RAB3C: variants seen among roughly 807,000 people sequenced by gnomAD.
RAB3C encodes the protein RAB3C, member RAS oncogene family, also known as ras-related protein Rab-3C.
RAB3C carries 17 observed loss-of-function variants against 26.4 expected under a neutral mutation model. That is an observed-to-expected ratio of 0.64 (90% confidence interval 0.44 to 0.97). The LOEUF (loss-of-function observed/expected upper bound fraction) is 0.97, where lower values mean the gene tolerates loss of function less well. RAB3C is among the 50% of genes least tolerant of loss of function. RAB3C has a pLI of 0.00. For synonymous variants in RAB3C, 91 were observed against 95.9 expected (o/e 0.95, Z 0.30); for missense variants, 242 against 281.9 (o/e 0.86, Z 1.01).
intron 1 of RAB3C, among the ~76,000 whole-genome samples, chr5:58,612,521 TATATATA>T: frequency 7.0e-5 from 1 of 14,280 alleles, no homozygotes; most frequent in African/African-American, 2.1e-4. Context: ...TGTGTGTGTG[TATATATA>T]TATATATATA....
Position 58,657,463 on chromosome 5 carries a change from T to C in RAB3C, c.252+39593T>C, listed in dbSNP as rs183183346. On this transcript the variant is annotated intron_variant, in intron 2 of 4. Transcript: ENST00000282878. ...CATTTGAGAGAGATCTGAATGACGATGTGTGCATCATGTGAAGATTGGAAG... is the reference window on the plus strand; with the variant it reads ...CATTTGAGAGAGATCTGAATGACGACGTGTGCATCATGTGAAGATTGGAAG... Among the ~76,000 whole-genome samples the C allele has an allele frequency of 1.4e-3, 210 of 151,860 alleles. 1 individual carries two copies. Among genetic ancestry groups the C allele is most frequent in the African/African-American group, 4.8e-3 (197 of 41,408 alleles).
chr5:58,808,224 C>CAAAAAAAA (rs773339041), intron 3 of RAB3C, among the ~76,000 whole-genome samples: 4 of 63,646 alleles, frequency 6.3e-5, no homozygotes, highest in Admixed American at 1.9e-4. Flanking sequence ...GACTCCGTCT[C>CAAAAAAAA]AAAAAAAAAA....
intron 3 of RAB3C, among the ~76,000 whole-genome samples, chr5:58,811,383 G>A (rs1278446949): frequency 2.0e-5 from 3 of 152,050 alleles, no homozygotes; most frequent in Non-Finnish European, 4.4e-5. Flanking sequence ...GTGTGTCTGT[G>A]TGTGTAAGAT....
chr5:58,641,869 G>A (rs1050315267), intron 2 of RAB3C, among the ~76,000 whole-genome samples: 12 of 152,148 alleles, frequency 7.9e-5, no homozygotes, highest in Non-Finnish European at 4.4e-5. Flanking sequence ...TTAAAAAAGA[G>A]TTATTATTTA....
At chr5:58,643,978 G>C (rs1747465800) in intron 2 of RAB3C, among the ~76,000 whole-genome samples, 1 of 151,956 alleles carries the variant, frequency 6.6e-6, no homozygotes, top group Non-Finnish European at 1.5e-5. Flanking sequence ...CTGCCATGAT[G>C]CCTGACTAAT....
At chr5:58,693,347 T>TATATATATATATATACATAC (rs1173401450) in intron 2 of RAB3C, among the ~76,000 whole-genome samples, 1 of 137,852 alleles carries the variant, frequency 7.3e-6, no homozygotes, top group African/African-American at 3.0e-5. Flanking sequence ...TATATATATA[T>TATATATATATATATACATAC]ATATATATAT....
intron 3 of RAB3C, among the ~76,000 whole-genome samples, chr5:58,735,449 C>T (rs1446982914): frequency 2.0e-5 from 3 of 152,194 alleles, no homozygotes; most frequent in African/African-American, 7.2e-5. Context: ...ATAATTCCCA[C>T]CATTTTTCAC....
chr5:58,713,509 A>G (rs1749105801), intron 2 of RAB3C, among the ~76,000 whole-genome samples: 1 of 152,218 alleles, frequency 6.6e-6, no homozygotes, highest in Non-Finnish European at 1.5e-5. Context: ...GCTGGTCAGA[A>G]TCAGGGCAAG....
chr5:58,660,047 C>T (rs1413678706), intron 2 of RAB3C, among the ~76,000 whole-genome samples: 18 of 142,332 alleles, frequency 1.3e-4, no homozygotes, highest in South Asian at 4.1e-4. Flanking sequence ...TCAAGCAATC[C>T]GCCCGCCTCG....
At chr5:58,751,734 T>A (rs1741530035) in intron 3 of RAB3C, among the ~76,000 whole-genome samples, 1 of 152,256 alleles carries the variant, frequency 6.6e-6, no homozygotes, top group South Asian at 2.1e-4. Flanking sequence ...ATATTTTGAC[T>A]GAGCTGACTT....
At chr5:58,786,233 C>T (rs555337559) in intron 3 of RAB3C, among the ~76,000 whole-genome samples, 2 of 152,346 alleles carry the variant, frequency 1.3e-5, no homozygotes, top group African/African-American at 4.8e-5. Flanking sequence ...GTTTCTCACT[C>T]TGAGTCATTC....
chr5:58,620,065 T>C (rs113167182), intron 2 of RAB3C, among the ~76,000 whole-genome samples: 1,968 of 151,990 alleles, frequency 0.013, 41 homozygotes, highest in African/African-American at 0.045. Flanking sequence ...TCTTCTACAA[T>C]CTACTAGTTT....
intron 3 of RAB3C, among the ~76,000 whole-genome samples, chr5:58,754,994 C>T (rs1741624340): frequency 6.6e-6 from 1 of 151,686 alleles, no homozygotes; most frequent in African/African-American, 2.4e-5. Context: ...AAAAAAATCA[C>T]ATTGGCTTTA....
At chr5:58,744,380 C>G (rs1286945535) in intron 3 of RAB3C, among the ~76,000 whole-genome samples, 1 of 152,220 alleles carries the variant, frequency 6.6e-6, no homozygotes, top group Non-Finnish European at 1.5e-5. Context: ...CAAGGAAGGA[C>G]TGATAGGGAG....
intron 3 of RAB3C, among the ~76,000 whole-genome samples, chr5:58,739,801 G>A (rs72762108): frequency 0.032 from 4,938 of 152,302 alleles, 244 homozygotes; most frequent in East Asian, 0.23. Context: ...TCTACTTACA[G>A]AATAACAGTT....
intron 2 of RAB3C, among the ~76,000 whole-genome samples, chr5:58,681,092 C>A (rs1748333731): frequency 6.6e-6 from 1 of 152,056 alleles, no homozygotes. Context: ...AAAATATATG[C>A]TGTTTATGCA....
At chr5:58,784,437 G>A (rs753056859) in intron 3 of RAB3C, among the ~76,000 whole-genome samples, 1 of 152,244 alleles carries the variant, frequency 6.6e-6, no homozygotes, top group Non-Finnish European at 1.5e-5. Flanking sequence ...ACATGGGAAA[G>A]ATCCACGCCC....
chr5:58,781,440 A>G (rs914193326), intron 3 of RAB3C, among the ~76,000 whole-genome samples: 7 of 152,206 alleles, frequency 4.6e-5, no homozygotes, highest in African/African-American at 1.7e-4. Flanking sequence ...GACTTAAGTA[A>G]CTATTTTCTT....
intron 1 of RAB3C, among the ~76,000 whole-genome samples, chr5:58,611,675 G>A (rs1746704007): frequency 1.3e-5 from 2 of 152,154 alleles, no homozygotes; most frequent in African/African-American, 4.8e-5. Context: ...TTCCTATTCT[G>A]TAGGTTGTCT....
Sources: gnomAD v4.1 joint callset for allele counts (sites outside exome capture counted in the v4.1 genomes callset) on GRCh38, gnomAD v4.1.1 for gene constraint, MANE v1.5 for transcripts, NCBI Gene and HGNC (gene_info 2026-07-23, HGNC 2026-07-21) for gene names.